RNMT: variants seen among roughly 807,000 people sequenced by gnomAD.
The protein encoded by RNMT is RNA guanine-7 methyltransferase, also known as mRNA cap guanine-N(7) methyltransferase.
RNMT carries 27 observed loss-of-function variants against 56.0 expected under a neutral mutation model. That is an observed-to-expected ratio of 0.48 (90% CI 0.36 to 0.67). The LOEUF is 0.67. Ranked by LOEUF, RNMT falls within the 30% of genes least tolerant of loss-of-function variation. The pLI is 0.00. For missense variants in RNMT, 519 were observed against 552.1 expected, an observed-to-expected ratio of 0.94 and a Z score of 0.60; for synonymous variants, 184 against 176.2, an observed-to-expected ratio of 1.04 and a Z score of -0.35.
chr18:13,736,926 ATAG>A (rs1568501217), intron 4 of RNMT, 81 bp from the exon 5 acceptor site: 15 of 1,226,428 alleles, frequency 1.2e-5, no homozygotes, highest in Non-Finnish European at 2.3e-6. Context: ...TGGGCAAAAG[ATAG>A]TAGGTTATTA....
intron 3 of RNMT, among the ~76,000 whole-genome samples, chr18:13,733,803 C>G (rs1163818221): frequency 2.6e-5 from 4 of 152,128 alleles, no homozygotes; most frequent in Admixed American, 2.6e-4. Flanking sequence ...ATTTATTGAA[C>G]TGAATAAATC....
chr18:13,737,228 A>T, intron 5 of RNMT, 93 bp downstream of exon 5: 1 of 1,124,250 alleles, frequency 8.9e-7, no homozygotes, highest in Admixed American at 2.5e-5. Context: ...ATCTGGGACT[A>T]TGCATGAGAT....
rs2044619245 is a variant in RNMT, at chr18:13,761,537, T to G, written c.*1558T>G. 1 of 992,476 alleles carries G rather than the reference T, an allele frequency of 1.0e-6. No individual in the cohort carries two copies. Among genetic ancestry groups the G allele is most frequent in the South Asian group, 4.5e-5 (1 of 22,158 alleles). 61.5% of individuals were successfully genotyped at this position (992,476 alleles called of 1,614,324 possible). ...ACAGGTAATAATAATACATGTACTT[T>G]TAGCCTGAAACCTCTTCCACGCCAT... is the stretch of plus-strand genomic sequence containing the variant. On this transcript the variant is annotated 3_prime_UTR_variant, in exon 12 of 12. Coordinates refer to ENST00000383314, the MANE Select transcript of RNMT (RefSeq NM_003799.3).
chr18:13,732,700 C>T (rs1421797675), intron 3 of RNMT, among the ~76,000 whole-genome samples: 1 of 147,692 alleles, frequency 6.8e-6, no homozygotes, highest in African/African-American at 2.5e-5. Flanking sequence ...AGGCTTTTGT[C>T]ATCAATGGAA....
chr18:13,733,974 A>G lies in RNMT; in HGVS notation c.418-490A>G, dbSNP rs145362186. On this transcript the variant is annotated intron_variant, in intron 3 of 11. Coordinates refer to ENST00000383314, the MANE Select transcript of RNMT (RefSeq NM_003799.3). ...GATCTCATCTTGAATTATAGCTCTCATAATTCCCACATGTGTGGGAGGGAC... is the reference window on the plus strand; with the variant it reads ...GATCTCATCTTGAATTATAGCTCTCGTAATTCCCACATGTGTGGGAGGGAC... Among the ~76,000 whole-genome samples the G allele has an allele frequency of 4.1e-3, 625 of 152,352 alleles. 4 individuals carry two copies. Among genetic ancestry groups the G allele is most frequent in the East Asian group, 0.03 (153 of 5,184 alleles).
intron 11 of RNMT, among the ~76,000 whole-genome samples, chr18:13,757,577 T>C (rs1298863014): frequency 6.6e-6 from 1 of 152,204 alleles, no homozygotes; most frequent in African/African-American, 2.4e-5. Context: ...ATTGCAGCAA[T>C]TCAGTCACAT....
intron 9 of RNMT, among the ~76,000 whole-genome samples, chr18:13,749,128 A>G (rs2044399293): frequency 6.6e-6 from 1 of 152,204 alleles, no homozygotes; most frequent in Admixed American, 6.5e-5. Flanking sequence ...CAGCTTTATA[A>G]TCATGTATTG....
At chr18:13,733,551 T>C (rs1390434373) in intron 3 of RNMT, among the ~76,000 whole-genome samples, 2 of 152,102 alleles carry the variant, frequency 1.3e-5, no homozygotes, top group African/African-American at 4.8e-5. Context: ...CTAATTTTTG[T>C]ATTTTTAGTA....
chr18:13,757,285 A>C (rs1044967200), intron 11 of RNMT, among the ~76,000 whole-genome samples: 1 of 152,124 alleles, frequency 6.6e-6, no homozygotes, highest in Non-Finnish European at 1.5e-5. Context: ...TGTGGCAGTT[A>C]AGACAATGAA....
chr18:13,745,766 A>G (rs1602022489), intron 8 of RNMT, among the ~76,000 whole-genome samples: 1 of 113,652 alleles, frequency 8.8e-6, no homozygotes, highest in African/African-American at 3.4e-5. Context: ...AGTGAAAAGG[A>G]AAAAAAAAAA....
chr18:13,738,872 A>G (rs1167043741), intron 5 of RNMT, among the ~76,000 whole-genome samples: 1 of 152,100 alleles, frequency 6.6e-6, no homozygotes, highest in African/African-American at 2.4e-5. Flanking sequence ...GGTTTCATGG[A>G]AGACTGTTTT....
chr18:13,749,941 G>A (rs912316563), intron 9 of RNMT, among the ~76,000 whole-genome samples: 2 of 151,650 alleles, frequency 1.3e-5, no homozygotes, highest in African/African-American at 4.9e-5. Context: ...TGTATTTTAC[G>A]TAGAGACAGG....
chr18:13,728,670 G>A (rs1174610582), intron 1 of RNMT, among the ~76,000 whole-genome samples: 1 of 151,970 alleles, frequency 6.6e-6, no homozygotes, highest in Non-Finnish European at 1.5e-5. Flanking sequence ...TTTGATAAAA[G>A]CCGTTTTAAC....
intron 6 of RNMT, 121 bp from the exon 7 acceptor site, chr18:13,741,389 G>T: frequency 1.6e-6 from 1 of 625,716 alleles, no homozygotes. Context: ...GTCCTTTATT[G>T]TACAAGGGAA....
intron 4 of RNMT, among the ~76,000 whole-genome samples, chr18:13,736,540 C>T (rs1391666689): frequency 6.6e-6 from 1 of 150,804 alleles, no homozygotes; most frequent in African/African-American, 2.4e-5. Context: ...GTAAGCCTGA[C>T]ATCTTTGATA....
intron 8 of RNMT, among the ~76,000 whole-genome samples, chr18:13,744,134 A>G (rs537096212): frequency 7.0e-6 from 1 of 142,378 alleles, no homozygotes; most frequent in Non-Finnish European, 1.5e-5. Flanking sequence ...TTTGTTTTAA[A>G]TGCTAAACAA....
At position 13,761,037 on chromosome 18, in the gene RNMT, A is replaced by G; in HGVS notation, c.*1058A>G. ...GTAGATGTAGTGAAAAACTTCAAGA[A>G]TGAAGCAGAGCAATTGAGTATTCTT... On this transcript the variant is annotated 3_prime_UTR_variant, in exon 12 of 12. Coordinates refer to ENST00000383314, the MANE Select transcript of RNMT (RefSeq NM_003799.3). The G allele has an allele frequency of 2.0e-6, 2 of 985,400 alleles. No homozygotes were observed. Among genetic ancestry groups the G allele is most frequent in the Non-Finnish European group, 1.2e-6 (1 of 829,870 alleles). The allele number at this position is 985,400 out of a possible 1,614,324, so 61.0% of individuals were successfully genotyped here.
chr18:13,736,338 A>C (rs1269403197), intron 4 of RNMT, among the ~76,000 whole-genome samples: 1 of 152,310 alleles, frequency 6.6e-6, no homozygotes, highest in East Asian at 1.9e-4. Context: ...TGAATACTTA[A>C]CTTGCCTGAG....
At chr18:13,746,076 C>G (rs1405442128) in intron 8 of RNMT, 144 bp from the exon 9 acceptor site, 5 of 567,530 alleles carry the variant, frequency 8.8e-6, no homozygotes, top group Non-Finnish European at 1.6e-5. Context: ...ACTCTTGATT[C>G]ATTTTGTATT....
Sources: gnomAD v4.1 joint callset for allele counts (sites outside exome capture counted in the v4.1 genomes callset) on GRCh38, gnomAD v4.1.1 for gene constraint, MANE v1.5 for transcripts, NCBI Gene and HGNC (gene_info 2026-07-23, HGNC 2026-07-21) for gene names.